BABAM2: variants seen among roughly 807,000 people sequenced by gnomAD.
The protein encoded by BABAM2 is BRISC and BRCA1 A complex member 2, also known as BRISC and BRCA1-A complex member 2.
BABAM2 carries 31 observed loss-of-function variants against 54.7 expected under a neutral mutation model. That is an observed-to-expected ratio of 0.57 (90% CI 0.43 to 0.77). The LOEUF is 0.77. Ranked by LOEUF, BABAM2 falls within the 30% of genes least tolerant of loss-of-function variation. BABAM2 has a pLI of 0.00. For missense variants in BABAM2, 364 were observed against 455.8 expected, an observed-to-expected ratio of 0.80 and a Z score of 1.83; for synonymous variants, 167 against 162.9, an observed-to-expected ratio of 1.03 and a Z score of -0.19.
intron 3 of BABAM2, 53 bp downstream of exon 3, chr2:27,929,961 T>G: frequency 6.6e-7 from 1 of 1,512,322 alleles, no homozygotes; most frequent in Non-Finnish European, 9.2e-7. Flanking sequence ...TGTCAGCTAT[T>G]GGACTTTGTG....
At chr2:28,110,781 G>A (rs964403254) in intron 6 of BABAM2, among the ~76,000 whole-genome samples, 7 of 152,034 alleles carry the variant, frequency 4.6e-5, no homozygotes, top group Admixed American at 1.3e-4. Flanking sequence ...AGAAACTGCC[G>A]TACTGTTTTC....
At chr2:28,089,654 T>C (rs2148688820) in intron 6 of BABAM2, among the ~76,000 whole-genome samples, 1 of 152,374 alleles carries the variant, frequency 6.6e-6, no homozygotes, top group African/African-American at 2.4e-5. Context: ...TTGCCCAGGC[T>C]CATAAACCAG....
At chr2:28,016,561 C>T (rs1192561805) in intron 4 of BABAM2, 4 of 590,508 alleles carry the variant, frequency 6.8e-6, no homozygotes, top group Middle Eastern at 2.7e-4. Flanking sequence ...GCCGCAGGTG[C>T]ATTTCTTTCT....
intron 7 of BABAM2, among the ~76,000 whole-genome samples, chr2:28,170,176 A>G (rs1228717206): frequency 6.6e-6 from 1 of 152,116 alleles, no homozygotes; most frequent in East Asian, 1.9e-4. Context: ...TGAGGGTGAT[A>G]ATTTATTAAA....
At chr2:28,081,050 T>C (rs1665124197) in intron 6 of BABAM2, among the ~76,000 whole-genome samples, 1 of 152,228 alleles carries the variant, frequency 6.6e-6, no homozygotes, top group Admixed American at 6.5e-5. Flanking sequence ...GAATTTTTAT[T>C]GCATAGAAAT....
intron 7 of BABAM2, among the ~76,000 whole-genome samples, chr2:28,218,110 A>G (rs559454995): frequency 1.3e-5 from 2 of 152,292 alleles, no homozygotes; most frequent in South Asian, 4.1e-4. Flanking sequence ...TTTATTCTCT[A>G]TGTACTTACA....
At chr2:28,167,851 A>G (rs1324134315) in intron 7 of BABAM2, among the ~76,000 whole-genome samples, 2 of 152,174 alleles carry the variant, frequency 1.3e-5, no homozygotes, top group Non-Finnish European at 2.9e-5. Context: ...GAGAATCATG[A>G]TGTTCAGATG....
chr2:28,172,275 A>G (rs1425469500), intron 7 of BABAM2, among the ~76,000 whole-genome samples: 2 of 152,138 alleles, frequency 1.3e-5, no homozygotes, highest in Admixed American at 1.3e-4. Context: ...TAATTGTTCC[A>G]TATTCACTGT....
intron 6 of BABAM2, among the ~76,000 whole-genome samples, chr2:28,104,748 A>T (rs950452199): frequency 6.6e-6 from 1 of 152,214 alleles, no homozygotes; most frequent in Non-Finnish European, 1.5e-5. Flanking sequence ...ACGTATGTTT[A>T]TTGTGGCACT....
intron 7 of BABAM2, among the ~76,000 whole-genome samples, chr2:28,152,324 C>A (rs767214810): frequency 6.6e-6 from 1 of 152,200 alleles, no homozygotes; most frequent in Non-Finnish European, 1.5e-5. Context: ...CCACTGCTAT[C>A]CTCTGGCAGC....
chr2:28,277,849 G>A (rs1371017647), intron 10 of BABAM2, among the ~76,000 whole-genome samples: 1 of 152,190 alleles, frequency 6.6e-6, no homozygotes, highest in Non-Finnish European at 1.5e-5. Context: ...GCTACACTAA[G>A]GAGTTTGTAC....
chr2:28,116,294 C>T (rs1490323016), intron 6 of BABAM2, among the ~76,000 whole-genome samples: 1 of 152,130 alleles, frequency 6.6e-6, no homozygotes, highest in African/African-American at 2.4e-5. Flanking sequence ...CTCCAGGCCT[C>T]TCTTTTTCAA....
intron 6 of BABAM2, among the ~76,000 whole-genome samples, chr2:28,079,250 TAC>T (rs1348049284): frequency 6.6e-6 from 1 of 152,190 alleles, no homozygotes; most frequent in Non-Finnish European, 1.5e-5. Flanking sequence ...GGTAAGGGGC[TAC>T]ACAGGCCCTT....
At chr2:28,289,928 C>A (rs1687149958) in intron 10 of BABAM2, among the ~76,000 whole-genome samples, 1 of 152,176 alleles carries the variant, frequency 6.6e-6, no homozygotes, top group Non-Finnish European at 1.5e-5. Flanking sequence ...GCACCCCCAT[C>A]CTTTACTCAT....
At chr2:28,157,163 G>T (rs1672622023) in intron 7 of BABAM2, among the ~76,000 whole-genome samples, 2 of 152,042 alleles carry the variant, frequency 1.3e-5, no homozygotes, top group Admixed American at 1.3e-4. Context: ...AGCTTTTCCT[G>T]GGCAATTTAG....
chr2:28,100,985 C>T (rs1429789407), intron 6 of BABAM2, among the ~76,000 whole-genome samples: 1 of 152,168 alleles, frequency 6.6e-6, no homozygotes, highest in African/African-American at 2.4e-5. Flanking sequence ...GTATCATTTC[C>T]AGGGAAGCAG....
At chr2:28,194,678 T>C (rs1314800193) in intron 7 of BABAM2, among the ~76,000 whole-genome samples, 1 of 141,948 alleles carries the variant, frequency 7.0e-6, no homozygotes, top group Admixed American at 7.6e-5. Flanking sequence ...GCCTCCTGGG[T>C]TCAAGTGATT....
At chr2:28,111,126 G>A (rs907150982) in intron 6 of BABAM2, among the ~76,000 whole-genome samples, 46 of 149,480 alleles carry the variant, frequency 3.1e-4, no homozygotes, top group Admixed American at 4.7e-4. Context: ...GCACCACCAC[G>A]CCTGGCTATT....
At chr2:28,231,803 T>TCTAATGC (rs1681418029) in intron 7 of BABAM2, among the ~76,000 whole-genome samples, 3 of 83,512 alleles carry the variant, frequency 3.6e-5, no homozygotes, top group African/African-American at 1.6e-4. Context: ...TTTTTTTTTT[T>TCTAATGC]TTTTTTTTTT....
Sources: gnomAD v4.1 joint callset for allele counts (sites outside exome capture counted in the v4.1 genomes callset) on GRCh38, gnomAD v4.1.1 for gene constraint, MANE v1.5 for transcripts, NCBI Gene and HGNC (gene_info 2026-07-23, HGNC 2026-07-21) for gene names.